Variants in RSRC1 observed in about 807,000 individuals in gnomAD.
RSRC1 encodes the protein arginine and serine rich coiled-coil 1, also known as serine/Arginine-related protein 53.
Under a neutral mutation model 49.1 loss-of-function variants are expected in RSRC1, and 39 were observed. The observed-to-expected ratio is 0.79, with a 90% CI of 0.61 to 1.04. The LOEUF (loss-of-function observed/expected upper bound fraction) is 1.04, where lower values mean the gene tolerates loss of function less well. Ranked by LOEUF, RSRC1 falls within the 50% of genes least tolerant of loss-of-function variation. The pLI is 0.00. For synonymous variants in RSRC1, 143 were observed against 130.8 expected (o/e 1.09, Z -0.63); for missense variants, 388 against 402.4 (o/e 0.96, Z 0.31).
intron 4 of RSRC1, among the ~76,000 whole-genome samples, chr3:158,246,200 G>A (rs1015198722): frequency 2.0e-5 from 3 of 149,108 alleles, no homozygotes; most frequent in Admixed American, 6.7e-5. Flanking sequence ...TGAACAATGA[G>A]AACACAGGGA....
At chr3:158,458,726 G>T (rs188761275) in intron 6 of RSRC1, among the ~76,000 whole-genome samples, 136 of 152,190 alleles carry the variant, frequency 8.9e-4, no homozygotes, top group African/African-American at 3.0e-3. Flanking sequence ...CCACTTGTTC[G>T]TTATGCTCTT....
intron 3 of RSRC1, among the ~76,000 whole-genome samples, chr3:158,126,555 T>C (rs1715641166): frequency 6.6e-6 from 1 of 152,164 alleles, no homozygotes; most frequent in Admixed American, 6.5e-5. Context: ...AGCTTATAGT[T>C]AGTTATTTTT....
chr3:158,448,861 A>T (rs944215874), intron 6 of RSRC1, among the ~76,000 whole-genome samples: 1 of 151,966 alleles, frequency 6.6e-6, no homozygotes, highest in Non-Finnish European at 1.5e-5. Flanking sequence ...GACACAGAAT[A>T]AAATAGTAAA....
intron 3 of RSRC1, chr3:158,136,872 A>T (rs1716412294): frequency 6.6e-6 from 1 of 152,194 alleles, no homozygotes; most frequent in Non-Finnish European, 1.5e-5. Flanking sequence ...GAGGATAATA[A>T]GTTGAGTGTA....
At chr3:158,147,643 A>G (rs1448991331) in intron 3 of RSRC1, among the ~76,000 whole-genome samples, 1 of 152,186 alleles carries the variant, frequency 6.6e-6, no homozygotes, top group African/African-American at 2.4e-5. Context: ...TAAGTCATGT[A>G]CAATAATCAG....
At chr3:158,231,137 C>CTTTTT (rs35368661) in intron 4 of RSRC1, among the ~76,000 whole-genome samples, 23 of 67,962 alleles carry the variant, frequency 3.4e-4, no homozygotes, top group East Asian at 1.1e-3. Context: ...TAGTCGTTAG[C>CTTTTT]TTTTTTTTTT....
At chr3:158,393,181 A>C (rs1031853071) in intron 6 of RSRC1, among the ~76,000 whole-genome samples, 1 of 152,172 alleles carries the variant, frequency 6.6e-6, no homozygotes, top group African/African-American at 2.4e-5. Flanking sequence ...TTAAGAGGAA[A>C]GTTTATAGTA....
rs148580918 is a variant in RSRC1 at position 158,539,204 on chromosome 3, T to A, written c.759+2006T>A. ...CACTTTGATATAAAGTTTGTATCCC[T>A]AAAAAAAGGCTTTTGTATGCTGGCC... is the stretch of plus-strand genomic sequence containing the variant. On this transcript the variant is annotated intron_variant, in intron 8 of 9. Coordinates refer to ENST00000611884, the MANE Select transcript of RSRC1 (RefSeq NM_001271838.2). This position sits in a 1 kb window ranked among gnomAD's most constrained non-coding sequence, Gnocchi z 4.1. 6.6e-4 allele frequency among the ~76,000 whole-genome samples: 100 copies of A among 152,050 alleles called. No individual in the cohort carries two copies. In the East Asian group the frequency reaches 0.016, roughly 24 times the overall value.
intron 3 of RSRC1, among the ~76,000 whole-genome samples, chr3:158,173,439 T>TA (rs1301592733): frequency 1.3e-5 from 2 of 152,008 alleles, no homozygotes; most frequent in African/African-American, 4.8e-5. Flanking sequence ...ATCTTACTGT[T>TA]ATGTTAACTT....
intron 3 of RSRC1, among the ~76,000 whole-genome samples, chr3:158,141,021 A>C (rs904248642): frequency 1.3e-4 from 20 of 152,206 alleles, no homozygotes; most frequent in African/African-American, 4.3e-4. Flanking sequence ...GGTAACTAAC[A>C]TTTTGCCTCA....
chr3:158,227,641 CAT>C (rs1453983867), intron 4 of RSRC1, among the ~76,000 whole-genome samples: 5 of 151,976 alleles, frequency 3.3e-5, no homozygotes, highest in African/African-American at 1.2e-4. Flanking sequence ...CTAGAAGAAT[CAT>C]ATGTTACGAT....
At chr3:158,263,581 T>C (rs1725012038) in intron 4 of RSRC1, among the ~76,000 whole-genome samples, 2 of 152,008 alleles carry the variant, frequency 1.3e-5, no homozygotes, top group Admixed American at 1.3e-4. Context: ...TTTGGAAGAG[T>C]GTGTAGAGAA....
chr3:158,427,201 A>AG (rs1553804277), intron 6 of RSRC1, among the ~76,000 whole-genome samples: 1 of 151,798 alleles, frequency 6.6e-6, no homozygotes, highest in Non-Finnish European at 1.5e-5. Flanking sequence ...CCAAAAAAAA[A>AG]GGAAAGGAGG....
intron 7 of RSRC1, among the ~76,000 whole-genome samples, chr3:158,503,868 G>T (rs1739727269): frequency 6.6e-6 from 1 of 152,132 alleles, no homozygotes; most frequent in South Asian, 2.1e-4. Context: ...CGGGATTTGT[G>T]CCCTCCGCTG....
At chr3:158,532,481 C>A (rs1338525453) in intron 7 of RSRC1, among the ~76,000 whole-genome samples, 1 of 151,794 alleles carries the variant, frequency 6.6e-6, no homozygotes. Flanking sequence ...TAAAAGAAAA[C>A]TCTGTGTTAT....
intron 6 of RSRC1, among the ~76,000 whole-genome samples, chr3:158,432,358 A>G (rs1215243290): frequency 1.3e-5 from 2 of 151,980 alleles, no homozygotes; most frequent in Non-Finnish European, 2.9e-5. Flanking sequence ...GTGATGAGAA[A>G]GGCAGTCTTA....
chr3:158,487,907 G>A (rs1003658744), intron 7 of RSRC1, among the ~76,000 whole-genome samples: 2 of 121,800 alleles, frequency 1.6e-5, no homozygotes, highest in South Asian at 2.9e-4. Flanking sequence ...CTGAGACCAC[G>A]CCATTGCACT....
At chr3:158,498,409 ATTGTTTTGTT>A (rs764091043) in intron 7 of RSRC1, among the ~76,000 whole-genome samples, 6 of 151,694 alleles carry the variant, frequency 4.0e-5, no homozygotes, top group Non-Finnish European at 7.4e-5. Flanking sequence ...TTTTGATGGC[ATTGTTTTGTT>A]TTGTTTTGTT....
At chr3:158,321,759 G>C (rs1330150652) in intron 5 of RSRC1, among the ~76,000 whole-genome samples, 1 of 151,708 alleles carries the variant, frequency 6.6e-6, no homozygotes, top group Non-Finnish European at 1.5e-5. Context: ...AGTTGCTCTA[G>C]GAATTATACT....
Sources: allele counts gnomAD v4.1 joint callset (sites outside exome capture counted in the v4.1 genomes callset), GRCh38; gene constraint gnomAD v4.1.1; non-coding constraint Gnocchi (gnomAD v3.1); transcripts MANE v1.5; gene names NCBI Gene and HGNC (gene_info 2026-07-23, HGNC 2026-07-21).